The following EPHB4 variants were observed in gnomAD, a reference collection of about 807,000 sequenced individuals.
EPHB4 encodes EPH receptor B4.
A neutral mutation model predicts 110.6 loss-of-function variants in EPHB4; 50 were observed. That is an observed-to-expected ratio of 0.45 (90% CI 0.36 to 0.57). The LOEUF (loss-of-function observed/expected upper bound fraction) is 0.57. Ranked by LOEUF, EPHB4 falls within the 20% of genes least tolerant of loss-of-function variation. The probability of loss-of-function intolerance (pLI) is 0.00; values close to 1 mark genes in which losing one functional copy is unlikely to be tolerated. For missense variants in EPHB4, 1,128 were observed against 1,382.1 expected (o/e 0.82, Z 2.91); for synonymous variants, 592 against 578.4 (o/e 1.02, Z -0.34).
At chr7:100,814,135 A>ACCTGTT in intron 8 of EPHB4, 114 bp from the exon 9 acceptor site, 1 of 1,158,382 alleles carries the variant, frequency 8.6e-7, no homozygotes, top group Non-Finnish European at 1.2e-6. Flanking sequence ...AGTACAGGGG[A>ACCTGTT]CAGGTGGAGG....
rs755785202 is a variant in EPHB4, at chr7:100,826,983, C to G, written c.48G>C (p.Leu16Phe). 1 of 1,565,066 alleles carries G rather than the reference C, an allele frequency of 6.4e-7. No homozygotes were observed. Among genetic ancestry groups the G allele is most frequent in the African/African-American group, 1.4e-5 (1 of 73,334 alleles). The change falls in exon 1 of 17, where the codon TTG becomes TTC. Residue 16 changes from leucine (L) to phenylalanine (F), a missense_variant. This residue lies in a region of EPHB4 where 728 missense variants were observed against 828.6 expected (regional missense o/e 0.88). Transcript: ENST00000358173. ...CCCCCCCGCAAGGAAACTCACCTTC[C>G]AAAGCTGCGGCCAACGAAGCCCAGC... ...LLCWASLAAA[L>F]EETLLNTKLE...
chr7:100,815,046 C>G (rs1813033130), intron 8 of EPHB4, among the ~76,000 whole-genome samples: 1 of 151,098 alleles, frequency 6.6e-6, no homozygotes, highest in South Asian at 2.1e-4. Context: ...AGGCCAGGTC[C>G]AGTGGCTCAT....
rs1463347590 is a variant in EPHB4, at chr7:100,803,233, G to A, written c.*228C>T. On this transcript the variant is annotated 3_prime_UTR_variant, in exon 17 of 17. Transcript: ENST00000358173. Reference sequence around the variant, plus strand: ...CCTCTGGTCACACCCAGTCCTGAGGGAAAGGCGCCCTCACCCTTGGTCTGG... The same window carrying A: ...CCTCTGGTCACACCCAGTCCTGAGGAAAAGGCGCCCTCACCCTTGGTCTGG... 4.5e-6 allele frequency: 2 copies of A among 442,984 alleles called. No homozygotes were observed. The highest frequency in any genetic ancestry group is 7.9e-6 in the Non-Finnish European group (2 of 254,652). 27.4% of individuals were successfully genotyped at this position (442,984 alleles called of 1,614,324 possible).
chr7:100,814,044 T>C (rs372052364), intron 8 of EPHB4, 23 bp from the exon 9 acceptor site: 125 of 1,612,384 alleles, frequency 7.8e-5, no homozygotes, highest in Non-Finnish European at 1.0e-4. Context: ...AGGCTGCTGA[T>C]CAGGAGAAAC....
chr7:100,816,333 G>A (rs1172771662), intron 8 of EPHB4, among the ~76,000 whole-genome samples: 5 of 151,642 alleles, frequency 3.3e-5, no homozygotes, highest in Non-Finnish European at 7.4e-5. Context: ...TCAAGCCTGC[G>A]GTGAGCTTTT....
chr7:100,817,006 C>A lies in EPHB4; in HGVS notation c.1588+186G>T, dbSNP rs191112262. Among the ~76,000 whole-genome samples, 896 of 149,694 alleles carry A rather than the reference C, an allele frequency of 6.0e-3. 7 individuals are homozygous for A. The highest frequency in any genetic ancestry group is 0.021 in the African/African-American group (860 of 40,448). Reference sequence around the variant, plus strand: ...GCTGAGGCAGGAGAATGGCTTGAATCCGGGAGGCGGAGGTTGCAGTGAGCG... The same window carrying A: ...GCTGAGGCAGGAGAATGGCTTGAATACGGGAGGCGGAGGTTGCAGTGAGCG... On this transcript the variant is annotated intron_variant, in intron 8 of 16. Transcript: ENST00000358173.
intron 4 of EPHB4, 168 bp from the exon 5 acceptor site, chr7:100,820,464 C>CAAAAAA: frequency 2.4e-6 from 1 of 423,472 alleles, no homozygotes; most frequent in African/African-American, 2.6e-5. Flanking sequence ...GATCCCATCT[C>CAAAAAA]CAAAAAAAAA....
At position 100,807,586 on chromosome 7, in the gene EPHB4, G is replaced by C. The variant is rs771474807; in HGVS notation, c.2119-6C>G. On this transcript the variant is annotated splice_polypyrimidine_tract_variant and splice_region_variant and intron_variant, in intron 12 of 16. Transcript: ENST00000358173. ...GTGAACTGTCCGTCGTTTAGCTGGA[G>C]AGCAGATAGGGTGGGGGCTTGGTGA... 2.1e-5 allele frequency: 34 copies of C among 1,611,736 alleles called. No homozygotes were observed. Among genetic ancestry groups the C allele is most frequent in the African/African-American group, 2.7e-5 (2 of 74,832 alleles).
In EPHB4 at chr7:100,822,991, T is replaced by C. The variant is rs1813275107; in HGVS notation, c.412-324A>G. Among the ~76,000 whole-genome samples the C allele has an allele frequency of 6.6e-6, 1 of 152,096 alleles. No homozygotes were observed. Among genetic ancestry groups the C allele is most frequent in the Non-Finnish European group, 1.5e-5 (1 of 68,012 alleles). ...CGATGAATGAATCCTGGGGAAGTTA[T>C]AAAGTACCATGAGGCCGGGCGTAGT... On this transcript the variant is annotated intron_variant, in intron 3 of 16. Transcript: ENST00000358173. The surrounding 1 kb of genome is among the most constrained non-coding windows in gnomAD (Gnocchi z 4.7).
intron 4 of EPHB4, among the ~76,000 whole-genome samples, chr7:100,821,531 G>A (rs1432325114): frequency 6.6e-6 from 1 of 151,288 alleles, no homozygotes; most frequent in African/African-American, 2.4e-5. Context: ...GGGAGGCTGA[G>A]GCAGGAGAAT....
At chr7:100,818,726 G>C in intron 6 of EPHB4, 82 bp from the exon 7 acceptor site, 6 of 1,471,102 alleles carry the variant, frequency 4.1e-6, no homozygotes, top group South Asian at 1.3e-5. Context: ...TTTTCGAGAC[G>C]GAGTCGTGCT....
rs778217597 is a variant in EPHB4, at chr7:100,807,560, T to C, written c.2139A>G (p.Thr713=). The C allele has an allele frequency of 6.2e-7, 1 of 1,613,840 alleles. No individual in the cohort carries two copies. The highest frequency in any genetic ancestry group is 8.5e-7 in the Non-Finnish European group (1 of 1,179,848). The part of the protein sequence containing the change: ...SFLRLNDGQF[T]VIQLVGMLRG... Reference sequence around the variant, plus strand: ...GCAGCATGCCCACGAGCTGGATGACTGTGAACTGTCCGTCGTTTAGCTGGA... The same window carrying C: ...GCAGCATGCCCACGAGCTGGATGACCGTGAACTGTCCGTCGTTTAGCTGGA... Residue 713 remains threonine, a synonymous_variant, in exon 13 of 17, where the codon ACA becomes ACG. Transcript: ENST00000358173.
At position 100,822,055 on chromosome 7, in the gene EPHB4, G is replaced by A. The variant is rs533088694; in HGVS notation, c.808+216C>T. On this transcript the variant is annotated intron_variant, in intron 4 of 16. Coordinates refer to ENST00000358173, the MANE Select transcript of EPHB4 (RefSeq NM_004444.5). The surrounding 1 kb of genome is among the most constrained non-coding windows in gnomAD (Gnocchi z 4.7). ...TGTGCCTGTAGTCCCAGCTACTCAC[G>A]AGGCTGAGGCAGGAGAACTGCTTGA... Among the ~76,000 whole-genome samples the A allele has an allele frequency of 2.6e-5, 4 of 152,268 alleles. No homozygotes were observed. Among genetic ancestry groups the A allele is most frequent in the South Asian group, 2.1e-4 (1 of 4,828 alleles).
At chr7:100,807,685 AG>A in intron 12 of EPHB4, 105 bp from the exon 13 acceptor site, 2 of 1,214,102 alleles carry the variant, frequency 1.6e-6, no homozygotes, top group Non-Finnish European at 2.3e-6. Context: ...TCTGTCGCCC[AG>A]GCTGGAGTGC....
rs1179835103 is a variant in EPHB4 at position 100,822,863 on chromosome 7, CG to C, written c.412-197del. On this transcript the variant is annotated intron_variant, in intron 3 of 16. Transcript: ENST00000358173. This position sits in a 1 kb window ranked among gnomAD's most constrained non-coding sequence, Gnocchi z 4.7. ...CCTTGCAAAGCTCCTGCGATATGCCCGGCCTCTGGCCTGCACCTCTCCCCCT... is the reference window on the plus strand; with the variant it reads ...CCTTGCAAAGCTCCTGCGATATGCCCGCCTCTGGCCTGCACCTCTCCCCCT... 6.6e-6 allele frequency among the ~76,000 whole-genome samples: 1 copy of C among 152,214 alleles called. No individual in the cohort carries two copies. The highest frequency in any genetic ancestry group is 2.4e-5 in the African/African-American group (1 of 41,460).
At chr7:100,804,408 G>A (rs760395781) in intron 16 of EPHB4, among the ~76,000 whole-genome samples, 1 of 138,348 alleles carries the variant, frequency 7.2e-6, no homozygotes, top group Non-Finnish European at 1.5e-5. Flanking sequence ...TCCACCTCCC[G>A]GGTTCAAGCG....
chr7:100,810,139 A>G (rs1323985880), intron 12 of EPHB4, among the ~76,000 whole-genome samples: 1 of 152,136 alleles, frequency 6.6e-6, no homozygotes, highest in Non-Finnish European at 1.5e-5. Context: ...AGTCCCAGCT[A>G]CTCAGGAGGC....
In EPHB4 at chr7:100,813,936, G is replaced by A. The variant is rs745567690; in HGVS notation, c.1674C>T (p.Val558=). 6 of 1,613,936 alleles carry A rather than the reference G, an allele frequency of 3.7e-6. No individual in the cohort carries two copies. In the Admixed American group the frequency reaches 6.7e-5, roughly 18 times the overall value. ...GVVLVLVVIV[V]AVLCLRKQSN... ...GCCCTTACCTGAGGCAGAGAACTGC[G>A]ACCACAATGACCACCAGGACCAGGA... The change falls in exon 9 of 17, where the codon GTC becomes GTT. Residue 558 remains valine (V), a synonymous_variant. Transcript: ENST00000358173.
At chr7:100,816,001 AAGTT>A (rs975121949) in intron 8 of EPHB4, among the ~76,000 whole-genome samples, 3 of 150,166 alleles carry the variant, frequency 2.0e-5, no homozygotes, top group African/African-American at 7.4e-5. Context: ...AAAAAAGAAA[AAGTT>A]AGGCCGGGCG....
Sources: gnomAD v4.1 joint callset for allele counts (sites outside exome capture counted in the v4.1 genomes callset) on GRCh38, gnomAD v4.1.1 for gene constraint, gnomAD v4.1.1 regional missense constraint, Gnocchi (gnomAD v3.1) non-coding constraint, MANE v1.5 for transcripts, NCBI Gene and HGNC (gene_info 2026-07-23, HGNC 2026-07-21) for gene names.